Variants in NELL2 observed in about 807,000 individuals in gnomAD.
The protein encoded by NELL2 is neural EGFL like 2.
In NELL2, 41 loss-of-function variants were observed where a neutral mutation model predicts 109.6. The observed-to-expected ratio is 0.37, with a 90% confidence interval of 0.29 to 0.49. The LOEUF (loss-of-function observed/expected upper bound fraction) is 0.49. Ranked by LOEUF, NELL2 falls within the 20% of genes least tolerant of loss-of-function variation. The probability of loss-of-function intolerance (pLI) is 0.98; values close to 1 mark genes in which losing one functional copy is unlikely to be tolerated. For missense variants in NELL2, 900 were observed against 1,008.3 expected (o/e 0.89, Z 1.45); for synonymous variants, 355 against 344.7 (o/e 1.03, Z -0.33).
At chr12:44,726,931 G>A (rs1423817640) in intron 9 of NELL2, among the ~76,000 whole-genome samples, 1 of 152,024 alleles carries the variant, frequency 6.6e-6, no homozygotes, top group Non-Finnish European at 1.5e-5. Context: ...TACAGGCTTA[G>A]CCTCAAACTC....
At chr12:44,826,713 C>T (rs577641362) in intron 2 of NELL2, among the ~76,000 whole-genome samples, 1 of 152,228 alleles carries the variant, frequency 6.6e-6, no homozygotes, top group South Asian at 2.1e-4. Context: ...AATCACAGGT[C>T]GTTTCTATGA....
intron 12 of NELL2, among the ~76,000 whole-genome samples, chr12:44,701,293 G>T (rs1458736504): frequency 6.6e-6 from 1 of 151,938 alleles, no homozygotes; most frequent in Admixed American, 6.6e-5. Context: ...TGAATTTGAT[G>T]ATATATGTTC....
intron 9 of NELL2, among the ~76,000 whole-genome samples, chr12:44,762,547 G>A (rs1002815860): frequency 6.6e-5 from 10 of 152,110 alleles, no homozygotes; most frequent in Non-Finnish European, 1.0e-4. Context: ...TGCCCTTGGC[G>A]TAATAATAAA....
At chr12:44,749,592 G>A (rs1201810415) in intron 9 of NELL2, among the ~76,000 whole-genome samples, 1 of 152,046 alleles carries the variant, frequency 6.6e-6, no homozygotes, top group Non-Finnish European at 1.5e-5. Flanking sequence ...TTAGAAGAGA[G>A]ACTGAGAAAA....
intron 13 of NELL2, among the ~76,000 whole-genome samples, chr12:44,660,475 T>A (rs909196475): frequency 1.9e-4 from 29 of 152,206 alleles, no homozygotes; most frequent in Non-Finnish European, 4.0e-4. Flanking sequence ...GGATGTTTAG[T>A]TGCATCCCTG....
chr12:44,888,270 G>T (rs1945496518), intron 1 of NELL2, among the ~76,000 whole-genome samples: 1 of 151,822 alleles, frequency 6.6e-6, no homozygotes, highest in African/African-American at 2.4e-5. Context: ...CAGGTATTGT[G>T]ATGCCTTTGG....
At chr12:44,650,790 T>G (rs1475148044) in intron 13 of NELL2, among the ~76,000 whole-genome samples, 2 of 151,792 alleles carry the variant, frequency 1.3e-5, no homozygotes, top group Non-Finnish European at 2.9e-5. Context: ...TTTCTTTGCC[T>G]GCTCCTAAAG....
chr12:44,755,562 T>C lies in NELL2; in HGVS notation c.994+19185A>G, dbSNP rs887531940. 3.3e-5 allele frequency among the ~76,000 whole-genome samples: 5 copies of C among 152,122 alleles called. No homozygotes were observed. In the East Asian group the frequency reaches 9.7e-4, roughly 29 times the overall value. On this transcript the variant is annotated intron_variant, in intron 9 of 19. Coordinates refer to ENST00000429094, the MANE Select transcript of NELL2 (RefSeq NM_001145108.2). ...TCCCCTCACCTCCACTTTACCTGTA[T>C]AGCCACAGTTTTGTCATCACTCAAA... is the stretch of plus-strand genomic sequence containing the variant.
chr12:44,523,912 T>C (rs1941651355), intron 16 of NELL2, among the ~76,000 whole-genome samples: 3 of 152,090 alleles, frequency 2.0e-5, no homozygotes, highest in African/African-American at 4.8e-5. Flanking sequence ...TAGTGGGAGA[T>C]GAAATGTCAT....
At chr12:44,649,936 T>C (rs1435215257) in intron 13 of NELL2, among the ~76,000 whole-genome samples, 1 of 152,086 alleles carries the variant, frequency 6.6e-6, no homozygotes, top group African/African-American at 2.4e-5. Flanking sequence ...GTGGAAAGAA[T>C]TACTGCTAAA....
intron 15 of NELL2, among the ~76,000 whole-genome samples, chr12:44,596,329 C>T (rs1276103328): frequency 3.9e-5 from 6 of 152,152 alleles, no homozygotes; most frequent in Non-Finnish European, 7.4e-5. Context: ...AATATCAGAA[C>T]AGAAAGAGCG....
intron 1 of NELL2, among the ~76,000 whole-genome samples, chr12:44,893,865 C>A (rs1945563800): frequency 6.6e-6 from 1 of 152,196 alleles, no homozygotes; most frequent in African/African-American, 2.4e-5. Context: ...TCTGTGGCAA[C>A]AGACTAATTC....
chr12:44,618,194 C>A (rs530344329), intron 13 of NELL2, among the ~76,000 whole-genome samples: 53 of 152,262 alleles, frequency 3.5e-4, no homozygotes, highest in Non-Finnish European at 6.0e-4. Flanking sequence ...GTAGCAAATT[C>A]TCTAAAAGTC....
chr12:44,531,697 C>CA, intron 16 of NELL2, among the ~76,000 whole-genome samples: 1 of 152,206 alleles, frequency 6.6e-6, no homozygotes, highest in Admixed American at 6.5e-5. Flanking sequence ...ATTTAGGTGT[C>CA]AAGTATCTTT....
At chr12:44,550,546 C>CATAAATAAATAA (rs61282621) in intron 15 of NELL2, among the ~76,000 whole-genome samples, 131 of 139,058 alleles carry the variant, frequency 9.4e-4, no homozygotes, top group African/African-American at 2.2e-3. Context: ...TCCATCTCAA[C>CATAAATAAATAA]ATAAATAAAT....
chr12:44,733,727 AAAAG>A (rs1268192920), intron 9 of NELL2, among the ~76,000 whole-genome samples: 1 of 151,988 alleles, frequency 6.6e-6, no homozygotes, highest in East Asian at 1.9e-4. Flanking sequence ...CCAAAAATAA[AAAAG>A]AAAGAAAGGC....
intron 13 of NELL2, among the ~76,000 whole-genome samples, chr12:44,642,418 C>T (rs181832885): frequency 1.6e-4 from 24 of 152,168 alleles, no homozygotes; most frequent in African/African-American, 5.1e-4. Context: ...ATAAGATGGT[C>T]AAACTCAAAT....
At position 44,610,955 on chromosome 12, in the gene NELL2, A is replaced by T; in HGVS notation, c.1460T>A (p.Ile487Asn). 1 of 1,612,678 alleles carries T rather than the reference A, an allele frequency of 6.2e-7. No individual in the cohort carries two copies. Among genetic ancestry groups the T allele is most frequent in the Non-Finnish European group, 8.5e-7 (1 of 1,179,094 alleles). Residue 487 changes from isoleucine (I) to asparagine (N), a missense_variant, in exon 14 of 20, where the codon ATC becomes AAC. Transcript: ENST00000429094. Reference sequence around the variant, plus strand: ...TTCATCACAGTTGTGCTGATTTGTGATACACTCATCATGTTCTGAAATGAG... The same window carrying T: ...TTCATCACAGTTGTGCTGATTTGTGTTACACTCATCATGTTCTGAAATGAG... The part of the protein sequence containing the change: ...DYSCTEHDEC[I>N]TNQHNCDENA...
At chr12:44,804,634 G>T (rs1005656077) in intron 3 of NELL2, among the ~76,000 whole-genome samples, 3 of 151,960 alleles carry the variant, frequency 2.0e-5, no homozygotes, top group African/African-American at 7.2e-5. Flanking sequence ...TTAAGCAACT[G>T]ATCAAGGGCT....
Sources: gnomAD v4.1 joint callset for allele counts (sites outside exome capture counted in the v4.1 genomes callset) on GRCh38, gnomAD v4.1.1 for gene constraint, MANE v1.5 for transcripts, NCBI Gene and HGNC (gene_info 2026-07-23, HGNC 2026-07-21) for gene names.